DLG2: variants seen among roughly 807,000 people sequenced by gnomAD.
The protein encoded by DLG2 is disks large homolog 2.
In DLG2, 45 loss-of-function variants were observed where a neutral mutation model predicts 132.5. The ratio of observed to expected loss-of-function variants is 0.34; its 90% CI spans 0.27 to 0.44. The LOEUF is 0.44. Among genes scored for constraint, DLG2 ranks in the 20% least tolerant of loss-of-function variants. The pLI, the probability that DLG2 is intolerant of heterozygous loss-of-function variation, is 1.00. For missense variants in DLG2, 1,045 were observed against 1,196.9 expected (o/e 0.87, Z 1.87); for synonymous variants, 424 against 419.6 (o/e 1.01, Z -0.13).
At chr11:84,974,878 G>A (rs755521731) in intron 6 of DLG2, among the ~76,000 whole-genome samples, 8 of 152,192 alleles carry the variant, frequency 5.3e-5, no homozygotes, top group East Asian at 1.9e-4. Context: ...ATAAACAAGG[G>A]CAACCTTGAA....
chr11:83,634,336 G>T (rs1430529911), intron 18 of DLG2, among the ~76,000 whole-genome samples: 1 of 152,062 alleles, frequency 6.6e-6, no homozygotes, highest in East Asian at 1.9e-4. Flanking sequence ...CGGTTCTAAG[G>T]TACTTATTAA....
Position 84,062,756 on chromosome 11 carries a change from T to C in DLG2, c.750-3272A>G, listed in dbSNP as rs180906427. The stretch of plus-strand genomic sequence containing the variant: ...TTTTAATTTTTTTTTTTAATGGTGG[T>C]GTTTGTAGGGGAGGTGGGGTAGTTT... On this transcript the variant is annotated intron_variant, in intron 10 of 27. Transcript: ENST00000376104. 4.9e-3 allele frequency among the ~76,000 whole-genome samples: 751 copies of C among 151,822 alleles called. 8 individuals are homozygous for C. The highest frequency in any genetic ancestry group is 0.032 in the South Asian group (153 of 4,780).
intron 5 of DLG2, among the ~76,000 whole-genome samples, chr11:85,116,373 C>T (rs2152339366): frequency 6.6e-6 from 1 of 151,882 alleles, no homozygotes; most frequent in African/African-American, 2.4e-5. Flanking sequence ...TCCAAATCAT[C>T]AATTTCATAT....
intron 7 of DLG2, among the ~76,000 whole-genome samples, chr11:84,382,513 T>C (rs2098752239): frequency 6.6e-6 from 1 of 152,148 alleles, no homozygotes; most frequent in African/African-American, 2.4e-5. Flanking sequence ...AATGATAAAA[T>C]ATGTTGGGGC....
At chr11:85,396,973 T>C (rs2087448469) in intron 3 of DLG2, among the ~76,000 whole-genome samples, 1 of 152,088 alleles carries the variant, frequency 6.6e-6, no homozygotes, top group African/African-American at 2.4e-5. Flanking sequence ...AGACATATAA[T>C]TGTCAGATTT....
Position 84,184,353 on chromosome 11 carries a change from T to G in DLG2, c.574-20842A>C, listed in dbSNP as rs1391455412. On this transcript the variant is annotated intron_variant, in intron 8 of 27. Coordinates refer to ENST00000376104, the MANE Select transcript of DLG2 (RefSeq NM_001142699.3). ...GATGATGAGCATTTTTTCATGTGTC[T>G]TTTGGCTGCATAAATGTCTTCTTTT... Among the ~76,000 whole-genome samples the G allele has an allele frequency of 2.6e-5, 4 of 152,284 alleles. No homozygotes were observed. The South Asian group carries it at 8.3e-4, about 32-fold the overall frequency.
At chr11:84,985,110 A>G (rs911617608) in intron 6 of DLG2, among the ~76,000 whole-genome samples, 1 of 152,218 alleles carries the variant, frequency 6.6e-6, no homozygotes, top group Non-Finnish European at 1.5e-5. Context: ...GACTTAAACT[A>G]TACCCTGGAA....
At chr11:84,655,841 G>A (rs562539489) in intron 6 of DLG2, among the ~76,000 whole-genome samples, 16 of 151,842 alleles carry the variant, frequency 1.1e-4, no homozygotes, top group African/African-American at 3.9e-4. Flanking sequence ...TTCTATCAGG[G>A]GGCCTTTTCA....
At chr11:84,003,418 A>G (rs2094444084) in intron 11 of DLG2, among the ~76,000 whole-genome samples, 1 of 152,162 alleles carries the variant, frequency 6.6e-6, no homozygotes, top group South Asian at 2.1e-4. Flanking sequence ...TCATACTGCT[A>G]TAAAGAACTG....
At chr11:84,493,709 G>C (rs966227075) in intron 7 of DLG2, among the ~76,000 whole-genome samples, 6 of 152,034 alleles carry the variant, frequency 3.9e-5, no homozygotes, top group African/African-American at 1.2e-4. Flanking sequence ...ATGTGATGGG[G>C]CTTTCAACTG....
intron 6 of DLG2, among the ~76,000 whole-genome samples, chr11:84,667,587 C>T (rs548810576): frequency 4.9e-4 from 73 of 149,362 alleles, no homozygotes; most frequent in African/African-American, 1.7e-3. Flanking sequence ...ACCTCCGCCT[C>T]CTGGGTTCAA....
chr11:84,513,909 C>A (rs2099264570), intron 7 of DLG2, among the ~76,000 whole-genome samples: 1 of 151,714 alleles, frequency 6.6e-6, no homozygotes, highest in Non-Finnish European at 1.5e-5. Context: ...AGATAAACCA[C>A]AAAATGGGAG....
At chr11:83,872,212 G>A (rs905465325) in intron 16 of DLG2, among the ~76,000 whole-genome samples, 14 of 152,270 alleles carry the variant, frequency 9.2e-5, no homozygotes, top group African/African-American at 3.1e-4. Context: ...GCAGTGAGCC[G>A]AGATCACGCC....
At chr11:85,146,731 G>A (rs973629154) in intron 5 of DLG2, among the ~76,000 whole-genome samples, 1 of 152,178 alleles carries the variant, frequency 6.6e-6, no homozygotes, top group Non-Finnish European at 1.5e-5. Context: ...GACAACTAGT[G>A]TCTCACTGGG....
intron 18 of DLG2, among the ~76,000 whole-genome samples, chr11:83,713,688 T>C (rs1402328789): frequency 6.6e-6 from 1 of 152,246 alleles, no homozygotes; most frequent in East Asian, 1.9e-4. Context: ...ATGGAAAATA[T>C]GCTTTTAAAA....
At chr11:84,454,482 C>T (rs942409271) in intron 7 of DLG2, among the ~76,000 whole-genome samples, 1 of 151,402 alleles carries the variant, frequency 6.6e-6, no homozygotes. Context: ...CCAGCAAGTC[C>T]ACTCCAAAGC....
intron 4 of DLG2, among the ~76,000 whole-genome samples, chr11:85,156,314 T>C (rs527371897): frequency 6.6e-6 from 1 of 152,220 alleles, no homozygotes; most frequent in African/African-American, 2.4e-5. Flanking sequence ...TAGAGTATCT[T>C]GTAAGACAAG....
chr11:83,781,406 T>G (rs1278439956), intron 18 of DLG2, among the ~76,000 whole-genome samples: 1 of 152,184 alleles, frequency 6.6e-6, no homozygotes, highest in African/African-American at 2.4e-5. Flanking sequence ...AATGAATGTA[T>G]AAATGAATAA....
At chr11:85,619,441 G>C (rs2081552027) in intron 2 of DLG2, among the ~76,000 whole-genome samples, 1 of 151,842 alleles carries the variant, frequency 6.6e-6, no homozygotes, top group Non-Finnish European at 1.5e-5. Flanking sequence ...TGAAAACTGT[G>C]TTTTCCCATC....
Sources: gnomAD v4.1 joint callset for allele counts (sites outside exome capture counted in the v4.1 genomes callset) on GRCh38, gnomAD v4.1.1 for gene constraint, MANE v1.5 for transcripts, NCBI Gene and HGNC (gene_info 2026-07-23, HGNC 2026-07-21) for gene names.